Variants in OSBPL3 observed in about 807,000 individuals in gnomAD.
OSBPL3 encodes oxysterol-binding protein-related protein 3.
OSBPL3 carries 65 observed loss-of-function variants against 120.1 expected under a neutral mutation model. The ratio of observed to expected loss-of-function variants is 0.54; its 90% confidence interval spans 0.44 to 0.67. The LOEUF is 0.67. OSBPL3 is among the 30% of genes least tolerant of loss of function. OSBPL3 has a pLI of 0.00. For missense variants in OSBPL3, 1,004 were observed against 1,082.1 expected (o/e 0.93, Z 1.01); for synonymous variants, 416 against 402.6 (o/e 1.03, Z -0.40).
chr7:24,969,860 T>C (rs1339398319), intron 1 of OSBPL3, among the ~76,000 whole-genome samples: 1 of 152,214 alleles, frequency 6.6e-6, no homozygotes, highest in East Asian at 1.9e-4. Flanking sequence ...TCTGCTAAGA[T>C]AGCTCTTACC....
chr7:24,876,001 C>CT (rs1432134979), intron 2 of OSBPL3, among the ~76,000 whole-genome samples: 1 of 152,090 alleles, frequency 6.6e-6, no homozygotes, highest in African/African-American at 2.4e-5. Flanking sequence ...TTAATATTTT[C>CT]TTGTAAGTAA....
At chr7:24,814,068 G>A (rs1413954336) in intron 19 of OSBPL3, among the ~76,000 whole-genome samples, 1 of 152,128 alleles carries the variant, frequency 6.6e-6, no homozygotes, top group African/African-American at 2.4e-5. Flanking sequence ...ACACAGCAAC[G>A]ATGAGCAGGC....
intron 1 of OSBPL3, among the ~76,000 whole-genome samples, chr7:24,925,054 T>C (rs888848984): frequency 6.6e-6 from 1 of 152,226 alleles, no homozygotes; most frequent in Non-Finnish European, 1.5e-5. Flanking sequence ...ATACATACAA[T>C]TAACATTCAA....
rs1814560234 is a variant in OSBPL3 at position 24,952,500 on chromosome 7, A to G, written c.-150+27386T>C. Among the ~76,000 whole-genome samples the G allele has an allele frequency of 6.6e-6, 1 of 152,214 alleles. No individual in the cohort carries two copies. Among genetic ancestry groups the G allele is most frequent in the African/African-American group, 2.4e-5 (1 of 41,460 alleles). On this transcript the variant is annotated intron_variant, in intron 1 of 22. Transcript: ENST00000313367. The surrounding 1 kb of genome is among the most constrained non-coding windows in gnomAD (Gnocchi z 4.4). ...CTAAAATATTATTTGTAATACCCTT[A>G]AAGAATATCCTGAAATTGGATGAAA...
Position 24,872,468 on chromosome 7 carries a change from T to A in OSBPL3, c.97-399A>T, listed in dbSNP as rs1584459552. On this transcript the variant is annotated intron_variant, in intron 2 of 22. Transcript: ENST00000313367. The surrounding 1 kb of genome is among the most constrained non-coding windows in gnomAD (Gnocchi z 4.1). ...AAGAGAGTGTGTGTGTGTGTGTGTG[T>A]GTGTGTGTGTGTGTGTGTGGTGTTG... 1.3e-5 allele frequency among the ~76,000 whole-genome samples: 2 copies of A among 151,512 alleles called. No individual in the cohort carries two copies. The highest frequency in any genetic ancestry group is 3.9e-4 in the East Asian group (2 of 5,192).
rs2710997 is a variant in OSBPL3, at chr7:24,953,448, A to G, written c.-150+26438T>C. On this transcript the variant is annotated intron_variant, in intron 1 of 22. Transcript: ENST00000313367. The surrounding 1 kb of genome is among the most constrained non-coding windows in gnomAD (Gnocchi z 4.3). The stretch of plus-strand genomic sequence containing the variant: ...CTTATTAAAGTATTGTGTTAAAAAA[A>G]AAAGTATTACGTATCTGCTGAATTG... Among the ~76,000 whole-genome samples the G allele has an allele frequency of 0.22, 33,459 of 152,162 alleles. 4,845 individuals carry two copies. The highest frequency in any genetic ancestry group is 0.59 in the East Asian group (3,064 of 5,180).
At position 24,888,278 on chromosome 7, in the gene OSBPL3, G is replaced by C. The variant is rs1293273350; in HGVS notation, c.96+4099C>G. Among the ~76,000 whole-genome samples, 3 of 152,132 alleles carry C rather than the reference G, an allele frequency of 2.0e-5. No homozygotes were observed. The East Asian group carries it at 5.8e-4, about 29-fold the overall frequency. On this transcript the variant is annotated intron_variant, in intron 2 of 22. Transcript: ENST00000313367. ...TTTATATTTACTCAGCACCTATCCT[G>C]AGTCTGACCCTGGAATAAGTGCTTA...
intron 1 of OSBPL3, among the ~76,000 whole-genome samples, chr7:24,893,363 A>G (rs1270296519): frequency 6.6e-6 from 1 of 152,378 alleles, no homozygotes; most frequent in South Asian, 2.1e-4. Flanking sequence ...TAAGTCAAAT[A>G]ACCCAGACAC....
chr7:24,902,180 A>G (rs772310808), intron 1 of OSBPL3, among the ~76,000 whole-genome samples: 3 of 152,260 alleles, frequency 2.0e-5, no homozygotes, highest in Admixed American at 6.5e-5. Context: ...TCACATTGCT[A>G]TAAGTTAGGT....
Position 24,804,452 on chromosome 7 carries a change from A to G in OSBPL3, c.2445-15T>C, listed in dbSNP as rs747532794. The G allele has an allele frequency of 2.8e-5, 44 of 1,577,216 alleles. No homozygotes were observed. The highest frequency in any genetic ancestry group is 3.5e-5 in the Non-Finnish European group (40 of 1,156,388). ...CCTCTAGAAACCTGAGGCATCGAGGAAAAAAAAATGAAAGGATATGAATTC... is the reference window on the plus strand; with the variant it reads ...CCTCTAGAAACCTGAGGCATCGAGGGAAAAAAAATGAAAGGATATGAATTC... On this transcript the variant is annotated splice_polypyrimidine_tract_variant and intron_variant, in intron 21 of 22. Transcript: ENST00000313367. This position sits in a 1 kb window ranked among gnomAD's most constrained non-coding sequence, Gnocchi z 5.4.
Position 24,818,427 on chromosome 7 carries a change from T to C in OSBPL3, c.1949-1739A>G, listed in dbSNP as rs183669062. 1.3e-5 allele frequency among the ~76,000 whole-genome samples: 2 copies of C among 152,214 alleles called. No homozygotes were observed. The highest frequency in any genetic ancestry group is 1.3e-4 in the Admixed American group (2 of 15,292). ...TGGTTTATGATATACAGAAGACGTA[T>C]GAAAAAATAGTAGAGAGGTTGGGAA... On this transcript the variant is annotated intron_variant, in intron 17 of 22. Transcript: ENST00000313367. This position sits in a 1 kb window ranked among gnomAD's most constrained non-coding sequence, Gnocchi z 4.0.
chr7:24,875,568 G>A (rs1265810945), intron 2 of OSBPL3, among the ~76,000 whole-genome samples: 2 of 152,046 alleles, frequency 1.3e-5, no homozygotes, highest in East Asian at 3.8e-4. Context: ...AATATCATTT[G>A]GACATAGTGG....
In OSBPL3 at chr7:24,922,929, T is replaced by A. The variant is rs1810575461; in HGVS notation, c.-149-30308A>T. On this transcript the variant is annotated intron_variant, in intron 1 of 22. Transcript: ENST00000313367. The surrounding 1 kb of genome is among the most constrained non-coding windows in gnomAD (Gnocchi z 4.3). ...CAAACAAACAAAAAAGCAAGTTTGC[T>A]TACAGTTTTGGCAGTCGAAGAAAAA... is the stretch of plus-strand genomic sequence containing the variant. Among the ~76,000 whole-genome samples the A allele has an allele frequency of 7.2e-6, 1 of 139,834 alleles. No homozygotes were observed. Among genetic ancestry groups the A allele is most frequent in the Non-Finnish European group, 1.6e-5 (1 of 62,758 alleles). The allele number at this position is 139,834 out of a possible 152,430, so 91.7% of individuals were successfully genotyped here.
Position 24,802,433 on chromosome 7 carries a change from TACAG to T in OSBPL3, c.2567+1878_2567+1881del, listed in dbSNP as rs907178782. Among the ~76,000 whole-genome samples, 7 of 152,258 alleles carry T rather than the reference TACAG, an allele frequency of 4.6e-5. No individual in the cohort carries two copies. Among genetic ancestry groups the T allele is most frequent in the African/African-American group, 1.7e-4 (7 of 41,466 alleles). On this transcript the variant is annotated intron_variant, in intron 22 of 22. Transcript: ENST00000313367. The surrounding 1 kb of genome is among the most constrained non-coding windows in gnomAD (Gnocchi z 4.1). ...TTCCCATCTAATACTATGATCATTT[TACAG>T]ACAGTCAAAAAGAAAAAGAGCAATG... is the stretch of plus-strand genomic sequence containing the variant.
At position 24,867,065 on chromosome 7, in the gene OSBPL3, G is replaced by A. The variant is rs1178863284; in HGVS notation, c.382-828C>T. On this transcript the variant is annotated intron_variant, in intron 5 of 22. Transcript: ENST00000313367. This position sits in a 1 kb window ranked among gnomAD's most constrained non-coding sequence, Gnocchi z 4.5. ...TCTGCCCGCCTCGGCCTCCCAAAGT[G>A]CTGGGATTACAGGCGTGAGCCACCA... 2.0e-5 allele frequency among the ~76,000 whole-genome samples: 3 copies of A among 152,230 alleles called. No individual in the cohort carries two copies. The highest frequency in any genetic ancestry group is 7.2e-5 in the African/African-American group (3 of 41,462).
intron 9 of OSBPL3, 108 bp from the exon 10 acceptor site, chr7:24,861,877 G>A (rs1800590999): frequency 3.2e-6 from 2 of 629,734 alleles, no homozygotes; most frequent in Admixed American, 3.5e-5. Flanking sequence ...ACATTTTATA[G>A]GTAGGTCTTT....
At chr7:24,844,551 A>C (rs1001092885) in intron 12 of OSBPL3, among the ~76,000 whole-genome samples, 3 of 152,216 alleles carry the variant, frequency 2.0e-5, no homozygotes, top group Non-Finnish European at 2.9e-5. Context: ...ACACTATAAC[A>C]ACCACTACAA....
Position 24,808,491 on chromosome 7 carries a change from C to A in OSBPL3, c.2317+1316G>T, listed in dbSNP as rs544682652. Among the ~76,000 whole-genome samples, 128 of 152,314 alleles carry A rather than the reference C, an allele frequency of 8.4e-4. No individual in the cohort carries two copies. Among genetic ancestry groups the A allele is most frequent in the African/African-American group, 2.8e-3 (118 of 41,578 alleles). On this transcript the variant is annotated intron_variant, in intron 20 of 22. Coordinates refer to ENST00000313367, the MANE Select transcript of OSBPL3 (RefSeq NM_015550.4). The surrounding 1 kb of genome is among the most constrained non-coding windows in gnomAD (Gnocchi z 4.6). ...TCGCAGTTCTCATCTGTGATGCATA[C>A]TTTAAGCAAAGGAGACAGACTGTGC... is the stretch of plus-strand genomic sequence containing the variant.
rs1012617663 is a variant in OSBPL3 at position 24,919,648 on chromosome 7, A to T, written c.-149-27027T>A. Among the ~76,000 whole-genome samples the T allele has an allele frequency of 5.9e-5, 9 of 152,086 alleles. No individual in the cohort carries two copies. The East Asian group carries it at 1.7e-3, about 29-fold the overall frequency. ...TTAAAAACACAAGCAACTAAGGGGG[A>T]AAAAAGTGATAAATTGGACTTCATC... On this transcript the variant is annotated intron_variant, in intron 1 of 22. Coordinates refer to ENST00000313367, the MANE Select transcript of OSBPL3 (RefSeq NM_015550.4).
Sources: gnomAD v4.1 joint callset for allele counts (sites outside exome capture counted in the v4.1 genomes callset) on GRCh38, gnomAD v4.1.1 for gene constraint, Gnocchi (gnomAD v3.1) non-coding constraint, MANE v1.5 for transcripts, NCBI Gene and HGNC (gene_info 2026-07-23, HGNC 2026-07-21) for gene names.